The following GNAO1 variants were observed in gnomAD, a reference collection of about 807,000 sequenced individuals.
GNAO1 encodes guanine nucleotide-binding protein G(o) subunit alpha.
For missense variants in GNAO1, 166 were observed against 478.7 expected (o/e 0.35, Z 6.10); for synonymous variants, 164 against 180.7 (o/e 0.91, Z 0.74).
rs1406356536 is a variant in GNAO1 at position 56,351,089 on chromosome 16, T to C, written c.724-295T>C. Among the ~76,000 whole-genome samples the C allele has an allele frequency of 2.0e-5, 3 of 152,138 alleles. No homozygotes were observed. Among genetic ancestry groups the C allele is most frequent in the African/African-American group, 4.8e-5 (2 of 41,426 alleles). ...GTGTGCTGGGAGACCCTCACATAGC[T>C]GGGAACTCTGCAGTGGGGAGAGCCC... On this transcript the variant is annotated intron_variant, in intron 6 of 8. Coordinates refer to ENST00000262493, the MANE Select transcript of GNAO1 (RefSeq NM_020988.3). The surrounding 1 kb of genome is among the most constrained non-coding windows in gnomAD (Gnocchi z 6.1).
intron 3 of GNAO1, among the ~76,000 whole-genome samples, chr16:56,310,084 G>A (rs1396554257): frequency 6.6e-6 from 1 of 152,100 alleles, no homozygotes; most frequent in African/African-American, 2.4e-5. Context: ...GGCCAAGGCA[G>A]GAGGATCACT....
chr16:56,349,067 G>C (rs2037898774), intron 6 of GNAO1, among the ~76,000 whole-genome samples: 1 of 152,214 alleles, frequency 6.6e-6, no homozygotes, highest in South Asian at 2.1e-4. Flanking sequence ...GGAGGAGCGA[G>C]TGTGGTGTGA....
At chr16:56,267,661 G>A (rs2036969603) in intron 2 of GNAO1, among the ~76,000 whole-genome samples, 1 of 152,122 alleles carries the variant, frequency 6.6e-6, no homozygotes. Context: ...TGCTCCTTCA[G>A]GTCGTATTTT....
intron 2 of GNAO1, among the ~76,000 whole-genome samples, chr16:56,256,994 A>G (rs1360961639): frequency 6.6e-6 from 1 of 152,134 alleles, no homozygotes; most frequent in African/African-American, 2.4e-5. Flanking sequence ...TTGTTTGTTC[A>G]GTTCTCTTTT....
chr16:56,278,377 C>A (rs113629293), intron 3 of GNAO1, among the ~76,000 whole-genome samples: 2 of 152,242 alleles, frequency 1.3e-5, no homozygotes, highest in Non-Finnish European at 1.5e-5. Flanking sequence ...TGTATTCTTA[C>A]ACCTGTGAGG....
Position 56,191,837 on chromosome 16 carries a change from C to T in GNAO1, c.-399C>T, listed in dbSNP as rs1367157136. The T allele has an allele frequency of 4.6e-6, 1 of 216,602 alleles. No individual in the cohort carries two copies. Among genetic ancestry groups the T allele is most frequent in the Non-Finnish European group, 9.2e-6 (1 of 108,512 alleles). The allele number at this position is 216,602 out of a possible 1,614,324, so 13.4% of individuals were successfully genotyped here. A position where few individuals can be genotyped will look rare whatever the true frequency, so the allele number is the denominator to read the frequency against. ...AGCCGCGGCAGCAGGACCCACCCTG[C>T]CCCCCACCCCACCCTCTGTCGGCTC... is the stretch of plus-strand genomic sequence containing the variant. On this transcript the variant is annotated 5_prime_UTR_variant, in exon 1 of 9. Transcript: ENST00000262493. This position sits in a 1 kb window ranked among gnomAD's most constrained non-coding sequence, Gnocchi z 4.7.
intron 3 of GNAO1, among the ~76,000 whole-genome samples, chr16:56,309,228 A>G (rs2037430266): frequency 6.6e-6 from 1 of 152,150 alleles, no homozygotes; most frequent in African/African-American, 2.4e-5. Context: ...AGAAGTTACC[A>G]TGACAACAAA....
intron 3 of GNAO1, among the ~76,000 whole-genome samples, chr16:56,322,673 T>C (rs112410808): frequency 2.6e-5 from 4 of 152,148 alleles, no homozygotes; most frequent in African/African-American, 9.6e-5. Flanking sequence ...GTCTGAGATG[T>C]GAAGTCCAGA....
At chr16:56,275,900 A>T in intron 2 of GNAO1, 31 bp from the exon 3 acceptor site, 2 of 1,596,054 alleles carry the variant, frequency 1.3e-6, no homozygotes, top group Non-Finnish European at 1.7e-6. Flanking sequence ...CAATGCTCTC[A>T]TCAGGTGTGG....
intron 2 of GNAO1, among the ~76,000 whole-genome samples, chr16:56,257,428 G>T (rs2036862429): frequency 6.6e-6 from 1 of 152,150 alleles, no homozygotes; most frequent in Non-Finnish European, 1.5e-5. Context: ...GGCAGCCAAG[G>T]CCACGTGATT....
intron 3 of GNAO1, among the ~76,000 whole-genome samples, chr16:56,313,340 A>G (rs1308553702): frequency 1.3e-5 from 2 of 152,194 alleles, no homozygotes; most frequent in African/African-American, 4.8e-5. Context: ...TTATTGTATT[A>G]GAAATTAAAA....
At chr16:56,323,165 G>A (rs968360463) in intron 3 of GNAO1, among the ~76,000 whole-genome samples, 9 of 152,182 alleles carry the variant, frequency 5.9e-5, no homozygotes, top group Non-Finnish European at 1.2e-4. Flanking sequence ...CTGGAGCCCC[G>A]TGAGAGGGGG....
chr16:56,209,664 T>C (rs1383028214), intron 2 of GNAO1, among the ~76,000 whole-genome samples: 24 of 152,230 alleles, frequency 1.6e-4, no homozygotes, highest in Non-Finnish European at 2.2e-4. Flanking sequence ...ATTTTTCCCA[T>C]GAAGAGCTCA....
At chr16:56,199,648 A>G (rs1252593325) in intron 2 of GNAO1, among the ~76,000 whole-genome samples, 1 of 152,192 alleles carries the variant, frequency 6.6e-6, no homozygotes, top group Non-Finnish European at 1.5e-5. Flanking sequence ...CAATTTGTTC[A>G]TCTGTTAATT....
Position 56,261,293 on chromosome 16 carries a change from TC to T in GNAO1, c.162-14637del, listed in dbSNP as rs1410573246. Among the ~76,000 whole-genome samples, 3 of 152,176 alleles carry T rather than the reference TC, an allele frequency of 2.0e-5. No homozygotes were observed. In the East Asian group the frequency reaches 5.8e-4, roughly 29 times the overall value. Reference sequence around the variant, plus strand: ...AGGGAGCTGAGAAGGGCGTCTTTTGTCTGTTTCAGAACACTCACCTAAAATG... The same window carrying T: ...AGGGAGCTGAGAAGGGCGTCTTTTGTTGTTTCAGAACACTCACCTAAAATG... On this transcript the variant is annotated intron_variant, in intron 2 of 8. Coordinates refer to ENST00000262493, the MANE Select transcript of GNAO1 (RefSeq NM_020988.3).
intron 6 of GNAO1, chr16:56,347,925 C>G: frequency 2.2e-6 from 2 of 929,418 alleles, no homozygotes; most frequent in Non-Finnish European, 2.6e-6. Context: ...CCACCCTGCC[C>G]CTGCTGAGTA....
In GNAO1 at chr16:56,331,594, C is replaced by T. The variant is rs184141689; in HGVS notation, c.464+2803C>T. 2.0e-5 allele frequency among the ~76,000 whole-genome samples: 3 copies of T among 152,268 alleles called. No homozygotes were observed. In the East Asian group the frequency reaches 5.8e-4, roughly 29 times the overall value. ...TCCCAGCCCCCGCCTCCTCTCGGGC[C>T]GCCCTTTCCAGACTCCCTCGATGCC... On this transcript the variant is annotated intron_variant, in intron 4 of 8. Transcript: ENST00000262493.
intron 2 of GNAO1, among the ~76,000 whole-genome samples, chr16:56,252,771 GC>G (rs2036811395): frequency 6.6e-6 from 1 of 152,108 alleles, no homozygotes; most frequent in African/African-American, 2.4e-5. Flanking sequence ...CTTCCTCCTG[GC>G]CCCGGCCCCA....
At chr16:56,243,023 G>A (rs1429575837) in intron 2 of GNAO1, among the ~76,000 whole-genome samples, 1 of 151,984 alleles carries the variant, frequency 6.6e-6, no homozygotes, top group Non-Finnish European at 1.5e-5. Context: ...TGGGAACGCT[G>A]TTGTGAACTG....
Sources: allele counts gnomAD v4.1 joint callset (sites outside exome capture counted in the v4.1 genomes callset), GRCh38; gene constraint gnomAD v4.1.1; non-coding constraint Gnocchi (gnomAD v3.1); transcripts MANE v1.5; gene names NCBI Gene and HGNC (gene_info 2026-07-23, HGNC 2026-07-21).